The following NFIB variants were observed in gnomAD, a reference collection of about 807,000 sequenced individuals.
NFIB encodes the protein nuclear factor I B.
NFIB carries 11 observed loss-of-function variants against 61.5 expected under a neutral mutation model. The ratio of observed to expected loss-of-function variants is 0.18; its 90% confidence interval spans 0.11 to 0.30. The LOEUF is 0.30. NFIB is among the 10% of genes least tolerant of loss of function. NFIB has a pLI of 1.00. For missense variants in NFIB, 471 were observed against 608.9 expected (o/e 0.77, Z 2.38); for synonymous variants, 260 against 216.5 (o/e 1.20, Z -1.76).
the NFIB span, among the ~76,000 whole-genome samples, chr9:14,492,363 A>AAAATAAATAAATAAATAAATAAAT: frequency 7.4e-5 from 11 of 147,988 alleles, no homozygotes; most frequent in Non-Finnish European, 1.5e-4. Flanking sequence ...ACTTTGCCTC[A>AAAATAAATAAATAAATAAATAAAT]AAATAAATAA....
intron 1 of NFIB, among the ~76,000 whole-genome samples, chr9:14,330,820 G>T (rs1334792147): frequency 1.3e-5 from 2 of 152,012 alleles, no homozygotes; most frequent in Non-Finnish European, 2.9e-5. Flanking sequence ...TGAAGAAGAG[G>T]TCCATATTCA....
rs567431085 is a variant in NFIB, at chr9:14,163,503, C to G, written c.617-7610G>C. Among the ~76,000 whole-genome samples, 466 of 151,780 alleles carry G rather than the reference C, an allele frequency of 3.1e-3. 4 individuals are homozygous for G. The highest frequency in any genetic ancestry group is 0.011 in the African/African-American group (442 of 41,460). ...AACAAAAAGGAAGCAGTATCAGCAA[C>G]GGTTAAGAGAAAACTTAAGCTGAAT... is the stretch of plus-strand genomic sequence containing the variant. On this transcript the variant is annotated intron_variant, in intron 3 of 10. Transcript: ENST00000380953.
At chr9:14,437,300 A>G in the NFIB span, among the ~76,000 whole-genome samples, 3 of 152,206 alleles carry the variant, frequency 2.0e-5, no homozygotes, top group Admixed American at 6.5e-5. Context: ...GTTATCTTTT[A>G]TGTGTTTTCT....
chr9:14,320,516 A>G (rs1279750304), intron 1 of NFIB, among the ~76,000 whole-genome samples: 1 of 152,196 alleles, frequency 6.6e-6, no homozygotes, highest in Non-Finnish European at 1.5e-5. Context: ...CAAACCTCAA[A>G]TGTAAAACTG....
intron 2 of NFIB, among the ~76,000 whole-genome samples, chr9:14,239,035 T>A (rs1263789816): frequency 6.6e-6 from 1 of 152,244 alleles, no homozygotes; most frequent in African/African-American, 2.4e-5. Flanking sequence ...CAATATAGTT[T>A]ATAATAGGAA....
chr9:14,488,250 C>G, the NFIB span, among the ~76,000 whole-genome samples: 21 of 152,048 alleles, frequency 1.4e-4, no homozygotes, highest in East Asian at 3.9e-3. Flanking sequence ...GTAGTCCCAA[C>G]TACTCAAGGG....
intron 2 of NFIB, among the ~76,000 whole-genome samples, chr9:14,278,425 G>C (rs1015178198): frequency 2.0e-5 from 3 of 152,170 alleles, no homozygotes; most frequent in Admixed American, 1.3e-4. Context: ...TGTTCAATCA[G>C]TCTTATTTTG....
the NFIB span, among the ~76,000 whole-genome samples, chr9:14,499,416 G>A: frequency 6.6e-6 from 1 of 152,104 alleles, no homozygotes; most frequent in African/African-American, 2.4e-5. Context: ...GTCTCACATG[G>A]TAACAGGTCT....
At chr9:14,495,866 C>T in the NFIB span, among the ~76,000 whole-genome samples, 2 of 152,154 alleles carry the variant, frequency 1.3e-5, no homozygotes, top group South Asian at 4.1e-4. Flanking sequence ...CTGCTCTAAT[C>T]CAGAAATTAT....
intron 3 of NFIB, among the ~76,000 whole-genome samples, chr9:14,161,453 G>C (rs1404209860): frequency 6.6e-6 from 1 of 151,374 alleles, no homozygotes; most frequent in Non-Finnish European, 1.5e-5. Context: ...CGCCCTGATA[G>C]CATTATATTT....
chr9:14,082,412 G>T lies in NFIB; in HGVS notation c.*5897C>A, dbSNP rs1015581450. ...TCTCAGAGAAATATCATTGAGGTGG[G>T]GGCAGCTCTTCCCAGGATGCTAAAA... On this transcript the variant is annotated 3_prime_UTR_variant, in exon 11 of 11. Transcript: ENST00000380953. 1 of 203,170 alleles carries T rather than the reference G, an allele frequency of 4.9e-6. No homozygotes were observed. The highest frequency in any genetic ancestry group is 2.3e-5 in the African/African-American group (1 of 43,582). The allele number at this position is 203,170 out of a possible 1,614,324, so 12.6% of individuals were successfully genotyped here.
intron 2 of NFIB, among the ~76,000 whole-genome samples, chr9:14,278,663 T>C (rs1397988742): frequency 6.6e-6 from 1 of 152,178 alleles, no homozygotes; most frequent in African/African-American, 2.4e-5. Context: ...GTTAGGGTCA[T>C]TACTAAGGTA....
the NFIB span, among the ~76,000 whole-genome samples, chr9:14,427,621 G>C: frequency 6.6e-6 from 1 of 152,116 alleles, no homozygotes; most frequent in Non-Finnish European, 1.5e-5. Context: ...CACATAGACT[G>C]GGCCAAGGCA....
chr9:14,208,810 C>G (rs2050018720), intron 2 of NFIB, among the ~76,000 whole-genome samples: 1 of 152,144 alleles, frequency 6.6e-6, no homozygotes, highest in South Asian at 2.1e-4. Flanking sequence ...TTCATCTTTT[C>G]TCAAACAACT....
At chr9:14,127,889 C>A in intron 6 of NFIB, among the ~76,000 whole-genome samples, 1 of 137,560 alleles carries the variant, frequency 7.3e-6, no homozygotes, top group African/African-American at 2.7e-5. Flanking sequence ...GTGAATCTAT[C>A]AGAACTTTGA....
At chr9:14,414,201 G>A in the NFIB span, among the ~76,000 whole-genome samples, 2 of 152,054 alleles carry the variant, frequency 1.3e-5, no homozygotes, top group African/African-American at 2.4e-5. Context: ...ACTTTGGGAG[G>A]CCAAGGTGGG....
chr9:14,483,401 T>C, the NFIB span, among the ~76,000 whole-genome samples: 1 of 152,164 alleles, frequency 6.6e-6, no homozygotes, highest in Non-Finnish European at 1.5e-5. Context: ...GATATGTGTG[T>C]TTATGCTTGG....
At chr9:14,126,448 A>G (rs925452453) in intron 6 of NFIB, among the ~76,000 whole-genome samples, 1 of 152,244 alleles carries the variant, frequency 6.6e-6, no homozygotes, top group Non-Finnish European at 1.5e-5. Flanking sequence ...TTGCTGCTAC[A>G]TCGCCAGCTG....
chr9:14,475,942 T>A, the NFIB span, among the ~76,000 whole-genome samples: 1 of 152,022 alleles, frequency 6.6e-6, no homozygotes, highest in Non-Finnish European at 1.5e-5. Flanking sequence ...TCACACTAAC[T>A]CCCTGAGTTC....
Sources: allele counts gnomAD v4.1 joint callset (sites outside exome capture counted in the v4.1 genomes callset), GRCh38; gene constraint gnomAD v4.1.1; transcripts MANE v1.5; gene names NCBI Gene and HGNC (gene_info 2026-07-23, HGNC 2026-07-21).